Variants in C2CD5 observed in about 807,000 individuals in gnomAD.
C2CD5 encodes C2 calcium dependent domain containing 5, also known as C2 domain-containing protein 5.
In C2CD5, 109 loss-of-function variants were observed where a neutral mutation model predicts 130.3. The observed-to-expected ratio is 0.84, with a 90% CI of 0.72 to 0.98. The LOEUF (loss-of-function observed/expected upper bound fraction) is 0.98, where lower values mean the gene tolerates loss of function less well. Ranked by LOEUF, C2CD5 falls within the 50% of genes least tolerant of loss-of-function variation. C2CD5 has a pLI of 0.00. For missense variants in C2CD5, 996 were observed against 1,261.8 expected, an observed-to-expected ratio of 0.79 and a Z score of 3.19; for synonymous variants, 454 against 429.2, an observed-to-expected ratio of 1.06 and a Z score of -0.71.
intron 3 of C2CD5, among the ~76,000 whole-genome samples, chr12:22,531,355 T>C (rs1453459557): frequency 1.3e-5 from 2 of 152,206 alleles, no homozygotes; most frequent in Non-Finnish European, 2.9e-5. Context: ...TATGAATTTG[T>C]AGGACTCTCA....
chr12:22,533,638 T>C (rs1159462485), intron 3 of C2CD5, among the ~76,000 whole-genome samples: 2 of 152,068 alleles, frequency 1.3e-5, no homozygotes, highest in Non-Finnish European at 1.5e-5. Flanking sequence ...ACATGAGTGA[T>C]AGGGACCTCT....
chr12:22,484,121 G>GT (rs1945125149), intron 13 of C2CD5, among the ~76,000 whole-genome samples: 2 of 152,086 alleles, frequency 1.3e-5, no homozygotes, highest in Non-Finnish European at 2.9e-5. Flanking sequence ...AAACATAGAA[G>GT]GTGTAGCATC....
intron 2 of C2CD5, among the ~76,000 whole-genome samples, chr12:22,542,379 G>A (rs1212630680): frequency 6.6e-6 from 1 of 152,218 alleles, no homozygotes; most frequent in Non-Finnish European, 1.5e-5. Flanking sequence ...CTTCCTTGTC[G>A]CTCCTTATAA....
intron 8 of C2CD5, 78 bp from the exon 9 acceptor site, chr12:22,513,457 ACAT>A (rs1409858809): frequency 1.2e-6 from 1 of 859,246 alleles, no homozygotes; most frequent in Non-Finnish European, 2.0e-6. Context: ...ATCTTCATAA[ACAT>A]CATGAGTTGA....
chr12:22,542,021 A>T (rs1365197205), intron 2 of C2CD5, among the ~76,000 whole-genome samples: 3 of 152,206 alleles, frequency 2.0e-5, no homozygotes, highest in African/African-American at 7.2e-5. Flanking sequence ...CCACCTAGTT[A>T]TCAAGGCCTG....
intron 24 of C2CD5, 59 bp downstream of exon 24, chr12:22,458,425 C>G: frequency 1.3e-6 from 1 of 786,862 alleles, no homozygotes; most frequent in Non-Finnish European, 1.7e-6. Flanking sequence ...GCTTTCACCA[C>G]TGGGAAATCA....
At chr12:22,477,897 C>T (rs971921329) in intron 15 of C2CD5, 1 of 156,554 alleles carries the variant, frequency 6.4e-6, no homozygotes, top group Non-Finnish European at 1.4e-5. Flanking sequence ...CATCATTCAA[C>T]AAATACTAAG....
chr12:22,516,776 G>C (rs1478462201), intron 8 of C2CD5, among the ~76,000 whole-genome samples: 1 of 151,406 alleles, frequency 6.6e-6, no homozygotes, highest in African/African-American at 2.4e-5. Context: ...TGATTGTCAT[G>C]AATTTTAAGG....
rs186252640 is a variant in C2CD5 at position 22,454,451 on chromosome 12, T to C, written c.2878-409A>G. ...ATAAAACTTACCTGTTATCTATATC[T>C]CTCATTCTGAACCTGAACCATGTTC... is the stretch of plus-strand genomic sequence containing the variant. On this transcript the variant is annotated intron_variant, in intron 25 of 26. Transcript: ENST00000446597. Among the ~76,000 whole-genome samples the C allele has an allele frequency of 2.6e-5, 4 of 152,266 alleles. No individual in the cohort carries two copies. The East Asian group carries it at 7.7e-4, about 29-fold the overall frequency.
intron 4 of C2CD5, among the ~76,000 whole-genome samples, chr12:22,526,105 A>G (rs767314382): frequency 6.6e-6 from 1 of 152,202 alleles, no homozygotes; most frequent in Non-Finnish European, 1.5e-5. Flanking sequence ...TGTGTTGATC[A>G]TAATAGTAAT....
rs201438897 is a variant in C2CD5, at chr12:22,518,126, T to C, written c.812A>G (p.Asn271Ser). 9.3e-6 allele frequency: 15 copies of C among 1,613,796 alleles called. No individual in the cohort carries two copies. The highest frequency in any genetic ancestry group is 8.3e-5 in the Admixed American group (5 of 59,986). Residue 271 changes from asparagine (N) to serine (S), a missense_variant, in exon 8 of 27, where the codon AAT becomes AGT. Around this residue, in one of 9 missense-constraint regions of C2CD5, gnomAD observed 156 missense variants for 165.9 expected, o/e 0.94. Transcript: ENST00000446597. ...GTGAGTATTGGGATTGGGATCTTCA[T>C]TGAAGGGAATCCTGCCAGAAGAAGG... ...PSKEMKEIPF[N>S]EDPNPNTHSS...
rs775998011 is a variant in C2CD5 at position 22,524,672 on chromosome 12, C to A, written c.446-45G>T. ...TGCTTCTGTTTATCAAAAGGTAAAA[C>A]TCAATTTTTAAAAAATGTACATCTC... is the stretch of plus-strand genomic sequence containing the variant. On this transcript the variant is annotated intron_variant, in intron 5 of 26. Transcript: ENST00000446597. 4.7e-6 allele frequency: 7 copies of A among 1,501,658 alleles called. No homozygotes were observed. The South Asian group carries it at 8.3e-5, about 18-fold the overall frequency. 93.0% of individuals were successfully genotyped at this position (1,501,658 alleles called of 1,614,324 possible). A position where few individuals can be genotyped will look rare whatever the true frequency, so the allele number is the denominator to read the frequency against.
intron 10 of C2CD5, among the ~76,000 whole-genome samples, chr12:22,498,886 T>C (rs887303458): frequency 6.6e-6 from 1 of 152,178 alleles, no homozygotes; most frequent in Non-Finnish European, 1.5e-5. Context: ...TACCACGCTA[T>C]ATAACTTCTT....
At position 22,518,094 on chromosome 12, in the gene C2CD5, C is replaced by T. The variant is rs1039472735; in HGVS notation, c.844G>A (p.Gly282Arg). The change falls in exon 8 of 27, where the codon GGA becomes AGA. Residue 282 changes from glycine (G) to arginine (R), a missense_variant. Physicochemically the swap from Gly to Arg is moderately radical, Grantham distance 125 (BLOSUM62 -2). Coordinates refer to ENST00000446597, the MANE Select transcript of C2CD5 (RefSeq NM_001286176.2). ...EDPNPNTHSS[G>R]PSTPLKNQTY... is the part of the protein sequence containing the mutation. ...TGGTTTTTCAGAGGGGTTGAGGGTCCTGATGAGTGAGTATTGGGATTGGGA... is the reference window on the plus strand; with the variant it reads ...TGGTTTTTCAGAGGGGTTGAGGGTCTTGATGAGTGAGTATTGGGATTGGGA... 7 of 1,613,414 alleles carry T rather than the reference C, an allele frequency of 4.3e-6. No individual in the cohort carries two copies. The highest frequency in any genetic ancestry group is 5.9e-6 in the Non-Finnish European group (7 of 1,179,582).
At chr12:22,531,197 T>C (rs1951238698) in intron 3 of C2CD5, among the ~76,000 whole-genome samples, 1 of 152,216 alleles carries the variant, frequency 6.6e-6, no homozygotes. Context: ...TAGTTTAAAA[T>C]GCCACAATAG....
intron 2 of C2CD5, among the ~76,000 whole-genome samples, chr12:22,540,937 T>C (rs1952313936): frequency 6.6e-6 from 1 of 152,200 alleles, no homozygotes; most frequent in Non-Finnish European, 1.5e-5. Flanking sequence ...TTTTTAATTG[T>C]AAGGATATAT....
intron 11 of C2CD5, among the ~76,000 whole-genome samples, chr12:22,490,494 G>A (rs1946199769): frequency 6.6e-6 from 1 of 151,722 alleles, no homozygotes; most frequent in Non-Finnish European, 1.5e-5. Flanking sequence ...AATATGGCAA[G>A]GCTGAAAGAA....
At position 22,527,814 on chromosome 12, in the gene C2CD5, T is replaced by C; in HGVS notation, c.256A>G (p.Ile86Val). Reference protein sequence around the residue: ...DHDTYSANDAIGKVYIDIDPL... With the variant: ...DHDTYSANDAVGKVYIDIDPL... ...TCAATATCAATGTACACTTTACCAA[T>C]GGCATCATTTGCACTGTAAGTATCA... The change falls in exon 4 of 27, where the codon ATT becomes GTT. Residue 86 changes from isoleucine to valine, a missense_variant. This residue lies in a region of C2CD5 where 68 missense variants were observed against 154.5 expected (regional missense o/e 0.44). Coordinates refer to ENST00000446597, the MANE Select transcript of C2CD5 (RefSeq NM_001286176.2). 1 of 1,610,062 alleles carries C rather than the reference T, an allele frequency of 6.2e-7. No homozygotes were observed. The highest frequency in any genetic ancestry group is 8.5e-7 in the Non-Finnish European group (1 of 1,176,560).
intron 26 of C2CD5, 119 bp downstream of exon 26, chr12:22,453,777 A>T: frequency 1.3e-6 from 1 of 782,128 alleles, no homozygotes; most frequent in Non-Finnish European, 2.1e-6. Flanking sequence ...AAAATATCTT[A>T]CGCATCTAGA....
Sources: allele counts gnomAD v4.1 joint callset (sites outside exome capture counted in the v4.1 genomes callset), GRCh38; gene constraint gnomAD v4.1.1; regional missense constraint gnomAD v4.1.1; transcripts MANE v1.5; gene names NCBI Gene and HGNC (gene_info 2026-07-23, HGNC 2026-07-21).